The following AOPEP variants were observed in gnomAD, a reference collection of about 807,000 sequenced individuals.
The protein encoded by AOPEP is aminopeptidase O.
In AOPEP, 77 loss-of-function variants were observed where a neutral mutation model predicts 98.1. That is an observed-to-expected ratio of 0.78 (90% CI 0.65 to 0.95). The LOEUF (loss-of-function observed/expected upper bound fraction) is 0.95, where lower values mean the gene tolerates loss of function less well. AOPEP is among the 40% of genes least tolerant of loss of function. The pLI, the probability that AOPEP is intolerant of heterozygous loss-of-function variation, is 0.00. For synonymous variants in AOPEP, 346 were observed against 365.3 expected, an observed-to-expected ratio of 0.95 and a Z score of 0.60; for missense variants, 1,024 against 1,024.7, an observed-to-expected ratio of 1.00 and a Z score of 0.01.
At chr9:95,036,598 G>A (rs935625165) in intron 13 of AOPEP, among the ~76,000 whole-genome samples, 1 of 151,744 alleles carries the variant, frequency 6.6e-6, no homozygotes, top group Non-Finnish European at 1.5e-5. Context: ...CATTCCTTTC[G>A]GTAAATGTCA....
At chr9:94,836,761 G>C (rs1267579522) in intron 5 of AOPEP, among the ~76,000 whole-genome samples, 1 of 152,036 alleles carries the variant, frequency 6.6e-6, no homozygotes, top group Non-Finnish European at 1.5e-5. Context: ...GTTATGGGTA[G>C]GAATTCTTTG....
intron 12 of AOPEP, 85 bp from the exon 13 acceptor site, chr9:95,005,457 C>T: frequency 7.5e-7 from 1 of 1,328,436 alleles, no homozygotes; most frequent in East Asian, 2.3e-5. Context: ...GGTCGCGAGG[C>T]CGGGGGTCTC....
At chr9:94,855,742 G>A (rs1339136308) in intron 5 of AOPEP, among the ~76,000 whole-genome samples, 1 of 152,130 alleles carries the variant, frequency 6.6e-6, no homozygotes, top group African/African-American at 2.4e-5. Context: ...TTTTTAATTT[G>A]CCTAGAACTG....
chr9:94,792,011 C>A (rs1324534005), intron 3 of AOPEP, among the ~76,000 whole-genome samples: 1 of 152,212 alleles, frequency 6.6e-6, no homozygotes, highest in East Asian at 1.9e-4. Flanking sequence ...CCATTCATTC[C>A]TTTGATAAAA....
intron 1 of AOPEP, among the ~76,000 whole-genome samples, chr9:94,741,473 G>A (rs528203077): frequency 2.0e-5 from 3 of 151,922 alleles, no homozygotes; most frequent in South Asian, 2.1e-4. Context: ...GGGTTTCACC[G>A]TGTTAGCCAG....
intron 2 of AOPEP, among the ~76,000 whole-genome samples, chr9:94,765,136 A>AT (rs1053218098): frequency 3.3e-5 from 5 of 151,434 alleles, no homozygotes. Flanking sequence ...TAATTTTTGT[A>AT]TTTTTTTGTA....
chr9:95,028,032 C>T (rs1184295050), intron 13 of AOPEP, among the ~76,000 whole-genome samples: 1 of 152,168 alleles, frequency 6.6e-6, no homozygotes, highest in Non-Finnish European at 1.5e-5. Flanking sequence ...GTTTATCTTT[C>T]AAATTTGTGC....
At chr9:94,788,039 T>G (rs1844816122) in intron 3 of AOPEP, among the ~76,000 whole-genome samples, 1 of 152,146 alleles carries the variant, frequency 6.6e-6, no homozygotes, top group South Asian at 2.1e-4. Flanking sequence ...GTAATTAATA[T>G]CATAATGTTG....
At chr9:95,091,782 G>A (rs1047501710), downstream of AOPEP, among the ~76,000 whole-genome samples, 13 of 152,156 alleles carry the variant, frequency 8.5e-5, no homozygotes, top group African/African-American at 3.1e-4. Context: ...GACGGTGTGA[G>A]AAAGGCCGGC....
intron 5 of AOPEP, among the ~76,000 whole-genome samples, chr9:94,844,112 A>G (rs920103696): frequency 2.7e-4 from 41 of 151,982 alleles, no homozygotes; most frequent in Admixed American, 4.6e-4. Flanking sequence ...CTGGAGTACA[A>G]TGATGCGATC....
intron 13 of AOPEP, 36 bp from the exon 14 acceptor site, chr9:95,060,658 A>C: frequency 7.4e-7 from 1 of 1,359,856 alleles, no homozygotes; most frequent in Non-Finnish European, 1.1e-6. Context: ...CATCAACTGA[A>C]TGGCATTTTC....
intron 7 of AOPEP, among the ~76,000 whole-genome samples, chr9:94,950,842 A>T (rs1020512552): frequency 6.6e-6 from 1 of 152,212 alleles, no homozygotes; most frequent in Admixed American, 6.5e-5. Context: ...GCAGGTGGGT[A>T]TTCAGACCCA....
chr9:95,094,246 T>A, the AOPEP span, among the ~76,000 whole-genome samples: 1 of 152,244 alleles, frequency 6.6e-6, no homozygotes, highest in East Asian at 1.9e-4. Flanking sequence ...CAGTCTGCAG[T>A]GGAGGGAGTG....
At chr9:94,730,986 G>A (rs913252170) in intron 1 of AOPEP, among the ~76,000 whole-genome samples, 1 of 152,236 alleles carries the variant, frequency 6.6e-6, no homozygotes, top group Non-Finnish European at 1.5e-5. Flanking sequence ...TGTTGGCGCT[G>A]AGTAGGTCAT....
chr9:95,077,125 C>T (rs1373302359), intron 14 of AOPEP, among the ~76,000 whole-genome samples: 1 of 152,170 alleles, frequency 6.6e-6, no homozygotes, highest in Admixed American at 6.5e-5. Flanking sequence ...TGCAGACGGC[C>T]CTCTGTGTCC....
chr9:95,041,446 GGTGTGTGTGT>G (rs57837059), intron 13 of AOPEP, among the ~76,000 whole-genome samples: 2 of 142,012 alleles, frequency 1.4e-5, no homozygotes, highest in African/African-American at 5.3e-5. Context: ...AGTCCTTGGG[GGTGTGTGTGT>G]GTGTGTGTGT....
intron 2 of AOPEP, among the ~76,000 whole-genome samples, chr9:94,768,105 GC>G (rs1168457079): frequency 6.6e-6 from 1 of 152,158 alleles, no homozygotes; most frequent in Non-Finnish European, 1.5e-5. Context: ...ATTGGAGGAG[GC>G]CTGAAGACCT....
Position 94,928,547 on chromosome 9 carries a change from G to T in AOPEP, c.1661+16G>T. On this transcript the variant is annotated intron_variant, in intron 7 of 16. Transcript: ENST00000375315. ...AGGTGTTAAGGTAAAGCTGCATGGT[G>T]ATCCACAGCCCTCTCATTCCCCTCC... is the stretch of plus-strand genomic sequence containing the variant. 6.6e-7 allele frequency: 1 copy of T among 1,514,140 alleles called. No individual in the cohort carries two copies. Among genetic ancestry groups the T allele is most frequent in the Non-Finnish European group, 9.0e-7 (1 of 1,113,754 alleles). The allele number at this position is 1,514,140 out of a possible 1,614,324, so 93.8% of individuals were successfully genotyped here. A position where few individuals can be genotyped will look rare whatever the true frequency, so the allele number is the denominator to read the frequency against.
At chr9:94,846,656 A>G (rs906959272) in intron 5 of AOPEP, among the ~76,000 whole-genome samples, 7 of 152,236 alleles carry the variant, frequency 4.6e-5, no homozygotes, top group Non-Finnish European at 8.8e-5. Flanking sequence ...CCGTAATCCT[A>G]GCACTTTCCA....
Sources: allele counts gnomAD v4.1 joint callset (sites outside exome capture counted in the v4.1 genomes callset), GRCh38; gene constraint gnomAD v4.1.1; transcripts MANE v1.5; gene names NCBI Gene and HGNC (gene_info 2026-07-23, HGNC 2026-07-21).